The following RAB13 variants were observed in gnomAD, a reference collection of about 807,000 sequenced individuals.
RAB13 encodes ras-related protein Rab-13.
In RAB13, 15 loss-of-function variants were observed where a neutral mutation model predicts 29.3. The observed-to-expected ratio is 0.51, with a 90% CI of 0.34 to 0.79. The LOEUF is 0.79. RAB13 is among the 30% of genes least tolerant of loss of function. The pLI, the probability that RAB13 is intolerant of heterozygous loss-of-function variation, is 0.01. For synonymous variants in RAB13, 82 were observed against 93.8 expected (o/e 0.87, Z 0.73); for missense variants, 186 against 255.5 (o/e 0.73, Z 1.85).
chr1:153,984,627 T>C, intron 2 of RAB13, 94 bp downstream of exon 2: 1 of 1,132,122 alleles, frequency 8.8e-7, no homozygotes, highest in Non-Finnish European at 1.3e-6. Context: ...GAAGGAGCAA[T>C]GGGGAAAGGA....
Position 153,983,531 on chromosome 1 carries a change from C to T in RAB13, c.236G>A (p.Arg79His), listed in dbSNP as rs751207948. Residue 79 changes from arginine to histidine, a missense_variant, in exon 3 of 8, where the codon CGT (arginine) becomes CAT (histidine). Arg to His is a conservative substitution (Grantham distance 29, BLOSUM62 0). Transcript: ENST00000368575. ...ACCCACACTTCATACCATGGCTCCA[C>T]GGTAGTAGGCAGTAGTTATTGTCTT... is the stretch of plus-strand genomic sequence containing the variant. ...RFKTITTAYY[R>H]GAMGIILVYD... 6.8e-6 allele frequency: 11 copies of T among 1,609,114 alleles called. No homozygotes were observed. The highest frequency in any genetic ancestry group is 4.0e-5 in the African/African-American group (3 of 74,884).
chr1:153,982,865 G>T, intron 4 of RAB13, 57 bp from the exon 5 acceptor site: 1 of 1,558,560 alleles, frequency 6.4e-7, no homozygotes, highest in Non-Finnish European at 8.8e-7. Context: ...GGTGGCTCAC[G>T]CCTGTAATCC....
chr1:153,984,673 G>C, intron 2 of RAB13, 48 bp downstream of exon 2: 1 of 1,496,320 alleles, frequency 6.7e-7, no homozygotes, highest in East Asian at 2.3e-5. Flanking sequence ...AAAACGTGTA[G>C]GAGGTAAATG....
intron 1 of RAB13, chr1:153,985,287 T>C: frequency 2.0e-6 from 2 of 985,724 alleles, no homozygotes; most frequent in Non-Finnish European, 2.4e-6. Context: ...GGATTACTTT[T>C]GAGACAATTA....
chr1:153,987,220 A>C (rs1649195391), upstream of RAB13, among the ~76,000 whole-genome samples: 1 of 152,116 alleles, frequency 6.6e-6, no homozygotes, highest in Admixed American at 6.6e-5. Flanking sequence ...ATAAAGAAAC[A>C]AGTTTGCCGG....
At chr1:153,990,597 G>T (rs1428107525), upstream of RAB13, among the ~76,000 whole-genome samples, 1 of 152,186 alleles carries the variant, frequency 6.6e-6, no homozygotes, top group African/African-American at 2.4e-5. Flanking sequence ...ACATGGTGAC[G>T]CATATGTGTC....
At chr1:153,986,544 G>A (rs1649177719), upstream of RAB13, among the ~76,000 whole-genome samples, 7 of 152,094 alleles carry the variant, frequency 4.6e-5, no homozygotes. Flanking sequence ...TCCCCTCTTA[G>A]GACCTTACTC....
chr1:153,985,393 G>A, intron 1 of RAB13: 1 of 980,756 alleles, frequency 1.0e-6, no homozygotes, highest in Non-Finnish European at 1.2e-6. Flanking sequence ...AGAAAGAAGA[G>A]AAGGGAGGAG....
At chr1:153,985,072 T>C (rs1571129445) in intron 1 of RAB13, 1 of 1,134,344 alleles carries the variant, frequency 8.8e-7, no homozygotes, top group East Asian at 7.0e-5. Flanking sequence ...CATTCAGTTA[T>C]ACCAGCTGAC....
At chr1:153,988,936 T>C (rs907812926), upstream of RAB13, among the ~76,000 whole-genome samples, 23 of 148,668 alleles carry the variant, frequency 1.5e-4, no homozygotes, top group East Asian at 3.5e-3. Context: ...TATTTTATTT[T>C]TTGAGACAAA....
In RAB13 at chr1:153,982,792, AC is replaced by A. The variant is rs757413947; in HGVS notation, c.340del (p.Val114TrpfsTer43). ...TTTGTTCCCCAGCAAGAGGCGCTCC[AC>A]CCCAGCCGAGGCATTCTGGGGGCAA... ...KSIKENASAG[V>X]ERLLLGNKCD... is the part of the protein sequence containing the mutation. On this transcript the variant is annotated frameshift_variant, in exon 5 of 8. Transcript: ENST00000368575. LOFTEE classifies it high-confidence loss of function. The A allele has an allele frequency of 3.1e-6, 5 of 1,613,798 alleles. No homozygotes were observed. Among genetic ancestry groups the A allele is most frequent in the Non-Finnish European group, 4.2e-6 (5 of 1,179,966 alleles).
upstream of RAB13, among the ~76,000 whole-genome samples, chr1:153,987,634 CGAAA>C (rs1363309193): frequency 4.7e-5 from 7 of 150,478 alleles, no homozygotes; most frequent in African/African-American, 1.7e-4. Flanking sequence ...ATACGAAACA[CGAAA>C]GAAAGAAAAT....
intron 4 of RAB13, 71 bp downstream of exon 4, chr1:153,983,148 G>T: frequency 7.4e-7 from 1 of 1,352,700 alleles, no homozygotes; most frequent in Non-Finnish European, 1.1e-6. Flanking sequence ...GTTAGGTCTT[G>T]CCTATCCTGA....
chr1:153,983,948 G>A (rs999304337), intron 2 of RAB13, among the ~76,000 whole-genome samples: 2 of 151,986 alleles, frequency 1.3e-5, no homozygotes, highest in African/African-American at 4.8e-5. Flanking sequence ...AGGCTGAGGC[G>A]GGTGGATCAC....
At chr1:153,988,639 GT>G (rs1649256537), upstream of RAB13, among the ~76,000 whole-genome samples, 1 of 149,010 alleles carries the variant, frequency 6.7e-6, no homozygotes, top group African/African-American at 2.4e-5. Flanking sequence ...TTGAGGTGGA[GT>G]TTCGCTCTTG....
At chr1:153,988,294 A>ATTTTTT (rs552724489), upstream of RAB13, among the ~76,000 whole-genome samples, 62 of 107,536 alleles carry the variant, frequency 5.8e-4, no homozygotes, top group Admixed American at 2.0e-3. Context: ...GCCTGGCCCT[A>ATTTTTT]TTTTTTTTTT....
At chr1:153,989,222 G>A (rs558738834), upstream of RAB13, among the ~76,000 whole-genome samples, 1 of 144,576 alleles carries the variant, frequency 6.9e-6, no homozygotes, top group South Asian at 2.1e-4. Flanking sequence ...CTGAGCCACC[G>A]CGACCGGCAA....
At chr1:153,989,578 C>T (rs1311789268), upstream of RAB13, among the ~76,000 whole-genome samples, 3 of 151,766 alleles carry the variant, frequency 2.0e-5, no homozygotes, top group African/African-American at 7.2e-5. Flanking sequence ...GAGTCTCTCT[C>T]GAGCCTATTC....
rs371012129 is a variant in RAB13, at chr1:153,982,425, C to G, written c.500G>C (p.Arg167Pro). ...NVDEAFSSLA[R>P]DILLKSGGRR... The stretch of plus-strand genomic sequence containing the variant: ...GCCTCCTGACTTGAGCAAGATGTCC[C>G]GGGCCAGGGAACTAAAAGCCTAAAG... Residue 167 changes from arginine (R) to proline (P), a missense_variant, in exon 7 of 8, where the codon CGG (arginine) becomes CCG (proline). Coordinates refer to ENST00000368575, the MANE Select transcript of RAB13 (RefSeq NM_002870.5). 1.4e-5 allele frequency: 22 copies of G among 1,613,756 alleles called. No homozygotes were observed. Among genetic ancestry groups the G allele is most frequent in the Non-Finnish European group, 1.8e-5 (21 of 1,179,922 alleles).
Sources: allele counts gnomAD v4.1 joint callset (sites outside exome capture counted in the v4.1 genomes callset), GRCh38; gene constraint gnomAD v4.1.1; transcripts MANE v1.5; gene names NCBI Gene and HGNC (gene_info 2026-07-23, HGNC 2026-07-21).